SUPT3H: variants seen among roughly 807,000 people sequenced by gnomAD.
The protein encoded by SUPT3H is SPT3 homolog, SAGA and STAGA complex component, also known as transcription initiation protein SPT3 homolog.
In SUPT3H, 44 loss-of-function variants were observed where a neutral mutation model predicts 44.3. That is an observed-to-expected ratio of 0.99 (90% confidence interval 0.78 to 1.28). The LOEUF is 1.28. Among genes scored for constraint, SUPT3H ranks in the 50% most tolerant of loss-of-function variants. The probability of loss-of-function intolerance (pLI) is 0.00; values close to 1 mark genes in which losing one functional copy is unlikely to be tolerated. For missense variants in SUPT3H, 380 were observed against 387.1 expected (o/e 0.98, Z 0.15); for synonymous variants, 124 against 125.6 (o/e 0.99, Z 0.09).
chr6:45,101,123 T>C (rs1237579565), intron 3 of SUPT3H, among the ~76,000 whole-genome samples: 1 of 152,154 alleles, frequency 6.6e-6, no homozygotes, highest in Admixed American at 6.5e-5. Context: ...TTCTCACTGA[T>C]ACATGAAAGG....
chr6:44,862,504 C>T (rs1451170318), intron 10 of SUPT3H, among the ~76,000 whole-genome samples: 1 of 151,710 alleles, frequency 6.6e-6, no homozygotes, highest in African/African-American at 2.4e-5. Context: ...TGGTGAAATC[C>T]CGCCTCTACT....
At chr6:45,006,293 A>C (rs1782706737) in intron 5 of SUPT3H, among the ~76,000 whole-genome samples, 1 of 152,062 alleles carries the variant, frequency 6.6e-6, no homozygotes, top group Non-Finnish European at 1.5e-5. Flanking sequence ...AATTAGTGCA[A>C]TGACCGATAT....
At chr6:45,229,852 T>C (rs1767628233) in intron 2 of SUPT3H, among the ~76,000 whole-genome samples, 1 of 152,186 alleles carries the variant, frequency 6.6e-6, no homozygotes. Context: ...GTCCTCTAGT[T>C]ACTTTGAAAT....
chr6:45,288,641 G>A (rs1230372423), intron 2 of SUPT3H, among the ~76,000 whole-genome samples: 16 of 120,124 alleles, frequency 1.3e-4, no homozygotes, highest in African/African-American at 2.4e-4. Context: ...ATATAGCAAA[G>A]CATTTTTCAG....
intron 2 of SUPT3H, among the ~76,000 whole-genome samples, chr6:45,290,212 T>C (rs536055335): frequency 2.1e-4 from 32 of 152,126 alleles, no homozygotes; most frequent in Non-Finnish European, 1.5e-4. Context: ...TATATTTTTC[T>C]TCCTTTGGAC....
intron 10 of SUPT3H, among the ~76,000 whole-genome samples, chr6:44,887,951 C>A (rs9395053): frequency 2.0e-5 from 3 of 151,840 alleles, no homozygotes; most frequent in Non-Finnish European, 1.5e-5. Context: ...CCACCGATCC[C>A]ACAGAAATAC....
intron 2 of SUPT3H, among the ~76,000 whole-genome samples, chr6:45,273,041 T>C (rs1211234678): frequency 6.6e-6 from 1 of 152,204 alleles, no homozygotes; most frequent in Non-Finnish European, 1.5e-5. Context: ...AGCCCATTTG[T>C]TTGAAATTTC....
intron 2 of SUPT3H, among the ~76,000 whole-genome samples, chr6:45,183,417 T>C (rs1265263132): frequency 6.6e-6 from 1 of 152,206 alleles, no homozygotes; most frequent in Non-Finnish European, 1.5e-5. Flanking sequence ...TAACTGAGAC[T>C]AGATAATTTA....
intron 6 of SUPT3H, among the ~76,000 whole-genome samples, chr6:44,982,993 T>C (rs1208919070): frequency 1.3e-5 from 2 of 152,178 alleles, no homozygotes; most frequent in Non-Finnish European, 2.9e-5. Context: ...AGAGGCTAAA[T>C]ATTAAATCTG....
intron 2 of SUPT3H, among the ~76,000 whole-genome samples, chr6:45,320,027 T>C (rs909727359): frequency 1.3e-5 from 2 of 152,222 alleles, no homozygotes; most frequent in Admixed American, 6.5e-5. Context: ...CTAAAAGGAC[T>C]TTAGGGTGAC....
intron 10 of SUPT3H, among the ~76,000 whole-genome samples, chr6:44,917,323 ATGAGACTGTATT>A (rs1232751267): frequency 1.3e-5 from 2 of 152,224 alleles, no homozygotes; most frequent in African/African-American, 4.8e-5. Flanking sequence ...ATCATTTTAA[ATGAGACTGTATT>A]TGAGACTGTA....
intron 3 of SUPT3H, among the ~76,000 whole-genome samples, chr6:45,076,074 G>A (rs1015331029): frequency 5.9e-5 from 9 of 151,860 alleles, no homozygotes; most frequent in African/African-American, 2.2e-4. Context: ...CCTACCTACT[G>A]CTTTTATTTT....
intron 2 of SUPT3H, among the ~76,000 whole-genome samples, chr6:45,257,594 TG>T (rs1773622475): frequency 6.6e-6 from 1 of 151,986 alleles, no homozygotes; most frequent in Non-Finnish European, 1.5e-5. Flanking sequence ...TACCACAGAC[TG>T]GGTAATTTAT....
At chr6:45,029,630 C>A (rs1014969431) in intron 3 of SUPT3H, among the ~76,000 whole-genome samples, 3 of 152,098 alleles carry the variant, frequency 2.0e-5, no homozygotes, top group Non-Finnish European at 4.4e-5. Context: ...AAGCAACTTT[C>A]AACTCTAAAT....
intron 2 of SUPT3H, among the ~76,000 whole-genome samples, chr6:45,111,287 T>C (rs1224910679): frequency 1.3e-5 from 2 of 152,066 alleles, no homozygotes; most frequent in Non-Finnish European, 2.9e-5. Flanking sequence ...CACCTCAGCC[T>C]CCCAAAGTGC....
At chr6:45,210,600 T>C (rs973135708) in intron 2 of SUPT3H, among the ~76,000 whole-genome samples, 2 of 152,186 alleles carry the variant, frequency 1.3e-5, no homozygotes, top group Non-Finnish European at 2.9e-5. Flanking sequence ...CCCTAAAATA[T>C]GTAAAACCAA....
At chr6:45,240,787 G>A (rs1323832619) in intron 2 of SUPT3H, among the ~76,000 whole-genome samples, 1 of 152,122 alleles carries the variant, frequency 6.6e-6, no homozygotes, top group African/African-American at 2.4e-5. Context: ...GTGGTATAGA[G>A]GCACCTCAAC....
intron 2 of SUPT3H, among the ~76,000 whole-genome samples, chr6:45,332,694 C>A (rs2150089077): frequency 6.6e-6 from 1 of 151,812 alleles, no homozygotes; most frequent in East Asian, 1.9e-4. Context: ...ACCTCTATAG[C>A]ATCTATTAAA....
At chr6:44,890,406 A>C (rs1233070448) in intron 10 of SUPT3H, among the ~76,000 whole-genome samples, 4 of 152,054 alleles carry the variant, frequency 2.6e-5, no homozygotes, top group African/African-American at 9.7e-5. Context: ...TGGCACATAC[A>C]TACCATGGAA....
Sources: gnomAD v4.1 joint callset for allele counts (sites outside exome capture counted in the v4.1 genomes callset) on GRCh38, gnomAD v4.1.1 for gene constraint, MANE v1.5 for transcripts, NCBI Gene and HGNC (gene_info 2026-07-23, HGNC 2026-07-21) for gene names.